FAF1: variants seen among roughly 807,000 people sequenced by gnomAD.
FAF1 encodes the protein FAS-associated factor 1.
Under a neutral mutation model 92.5 loss-of-function variants are expected in FAF1, and 25 were observed. The observed-to-expected ratio is 0.27, with a 90% confidence interval of 0.20 to 0.38. The LOEUF (loss-of-function observed/expected upper bound fraction) is 0.38. Ranked by LOEUF, FAF1 falls within the 10% of genes least tolerant of loss-of-function variation. The pLI, the probability that FAF1 is intolerant of heterozygous loss-of-function variation, is 1.00. For synonymous variants in FAF1, 234 were observed against 273.2 expected (o/e 0.86, Z 1.42); for missense variants, 636 against 793.3 (o/e 0.80, Z 2.38).
intron 8 of FAF1, among the ~76,000 whole-genome samples, chr1:50,642,865 G>A (rs1279665145): frequency 1.3e-5 from 2 of 151,890 alleles, no homozygotes; most frequent in Non-Finnish European, 2.9e-5. Context: ...GTTTGAGACA[G>A]AGTCTCATTC....
chr1:50,858,360 A>G (rs1644406687), intron 1 of FAF1, among the ~76,000 whole-genome samples: 2 of 151,870 alleles, frequency 1.3e-5, no homozygotes, highest in African/African-American at 4.8e-5. Flanking sequence ...TGCACTTTAT[A>G]TAAAAACTAA....
intron 6 of FAF1, among the ~76,000 whole-genome samples, chr1:50,738,572 T>G (rs770827942): frequency 5.9e-5 from 9 of 152,290 alleles, no homozygotes; most frequent in South Asian, 2.1e-4. Flanking sequence ...ATACTTTCTC[T>G]TCCTTCCAAC....
intron 8 of FAF1, among the ~76,000 whole-genome samples, chr1:50,611,520 T>C (rs1652683390): frequency 6.6e-6 from 1 of 152,218 alleles, no homozygotes; most frequent in South Asian, 2.1e-4. Context: ...TTAATTACTT[T>C]CTGCGGATAG....
At chr1:50,908,569 A>C (rs1189729703) in intron 1 of FAF1, among the ~76,000 whole-genome samples, 1 of 152,160 alleles carries the variant, frequency 6.6e-6, no homozygotes, top group Admixed American at 6.5e-5. Context: ...TATTGGGTGC[A>C]CATATATTTA....
chr1:50,716,153 G>T (rs1024702449), intron 6 of FAF1, among the ~76,000 whole-genome samples: 3 of 152,170 alleles, frequency 2.0e-5, no homozygotes, highest in Non-Finnish European at 4.4e-5. Context: ...TGATGAAGAA[G>T]AGGAATGACT....
At chr1:50,490,963 T>A (rs1472298363) in intron 16 of FAF1, among the ~76,000 whole-genome samples, 1 of 152,168 alleles carries the variant, frequency 6.6e-6, no homozygotes, top group Non-Finnish European at 1.5e-5. Flanking sequence ...TTGGTCTTCC[T>A]TTCTGACCTT....
chr1:50,674,919 C>T (rs911184605), intron 7 of FAF1, among the ~76,000 whole-genome samples: 11 of 145,292 alleles, frequency 7.6e-5, no homozygotes, highest in Non-Finnish European at 1.6e-4. Context: ...GATGCAGTTT[C>T]GCTCTTTGTT....
At chr1:50,646,547 CA>C (rs1175621282) in intron 8 of FAF1, among the ~76,000 whole-genome samples, 1 of 152,112 alleles carries the variant, frequency 6.6e-6, no homozygotes, top group Non-Finnish European at 1.5e-5. Context: ...TTCTTACTTC[CA>C]ATGCTTATAA....
At chr1:50,608,442 A>G (rs1027347461) in intron 8 of FAF1, among the ~76,000 whole-genome samples, 5 of 152,224 alleles carry the variant, frequency 3.3e-5, no homozygotes, top group Admixed American at 2.0e-4. Context: ...CCTAGAGATC[A>G]AAACTCTGTC....
chr1:50,737,450 C>A (rs1659188754), intron 6 of FAF1, among the ~76,000 whole-genome samples: 1 of 152,152 alleles, frequency 6.6e-6, no homozygotes, highest in Admixed American at 6.5e-5. Flanking sequence ...TGTTAACTAA[C>A]CTACAAAATA....
chr1:50,522,630 T>C (rs1647562276), intron 15 of FAF1, among the ~76,000 whole-genome samples: 1 of 152,200 alleles, frequency 6.6e-6, no homozygotes, highest in Non-Finnish European at 1.5e-5. Context: ...TCTATGTCAG[T>C]TCCCAGTAGT....
At chr1:50,577,246 T>G (rs951940723) in intron 12 of FAF1, among the ~76,000 whole-genome samples, 1 of 152,236 alleles carries the variant, frequency 6.6e-6, no homozygotes, top group Non-Finnish European at 1.5e-5. Flanking sequence ...CCCCCTAGGC[T>G]GGGCGCGGTA....
At chr1:50,615,205 A>G (rs897550140) in intron 8 of FAF1, among the ~76,000 whole-genome samples, 1 of 152,172 alleles carries the variant, frequency 6.6e-6, no homozygotes, top group African/African-American at 2.4e-5. Context: ...GTTGCTGCAA[A>G]AGATATGCTT....
chr1:50,877,218 G>A (rs1173784250), intron 1 of FAF1, among the ~76,000 whole-genome samples: 1 of 152,204 alleles, frequency 6.6e-6, no homozygotes, highest in Non-Finnish European at 1.5e-5. Flanking sequence ...TATCAACAAT[G>A]CTAAGTCATG....
At chr1:50,812,462 C>A (rs1204311927) in intron 2 of FAF1, among the ~76,000 whole-genome samples, 1 of 152,090 alleles carries the variant, frequency 6.6e-6, no homozygotes, top group Non-Finnish European at 1.5e-5. Context: ...AGCCAGAAAG[C>A]ATACGAAAAA....
chr1:50,695,232 A>T (rs1569784013), intron 7 of FAF1, among the ~76,000 whole-genome samples: 1 of 151,804 alleles, frequency 6.6e-6, no homozygotes, highest in African/African-American at 2.4e-5. Context: ...ACATGGTGAA[A>T]CCCCATCTCT....
intron 1 of FAF1, among the ~76,000 whole-genome samples, chr1:50,927,333 C>T (rs1375971967): frequency 6.6e-6 from 1 of 152,106 alleles, no homozygotes; most frequent in African/African-American, 2.4e-5. Context: ...GTAATCCCAG[C>T]ACTTTGGGAG....
In FAF1 at chr1:50,939,062, T is replaced by G. The variant is rs180816823; in HGVS notation, c.45+20705A>C. Among the ~76,000 whole-genome samples the G allele has an allele frequency of 2.2e-3, 330 of 152,320 alleles. 3 individuals are homozygous for G. Among genetic ancestry groups the G allele is most frequent in the African/African-American group, 7.9e-3 (327 of 41,570 alleles). On this transcript the variant is annotated intron_variant, in intron 1 of 18. Coordinates refer to ENST00000396153, the MANE Select transcript of FAF1 (RefSeq NM_007051.3). The stretch of plus-strand genomic sequence containing the variant: ...TTGGCTATTTGGGCTCATTTTTGCT[T>G]CCATGTGAATTTTAGAATAGTTTTT...
At chr1:50,850,487 TA>T (rs1644339256) in intron 2 of FAF1, among the ~76,000 whole-genome samples, 1 of 152,178 alleles carries the variant, frequency 6.6e-6, no homozygotes, top group Non-Finnish European at 1.5e-5. Flanking sequence ...ACCACATAGA[TA>T]AATTTTAAAC....
Sources: allele counts gnomAD v4.1 joint callset (sites outside exome capture counted in the v4.1 genomes callset), GRCh38; gene constraint gnomAD v4.1.1; transcripts MANE v1.5; gene names NCBI Gene and HGNC (gene_info 2026-07-23, HGNC 2026-07-21).